The following KCNT2 variants were observed in gnomAD, a reference collection of about 807,000 sequenced individuals.
The protein encoded by KCNT2 is potassium channel subfamily T member 2.
A neutral mutation model predicts 153.8 loss-of-function variants in KCNT2; 67 were observed. The observed-to-expected ratio is 0.44, with a 90% CI of 0.36 to 0.53. The LOEUF (loss-of-function observed/expected upper bound fraction) is 0.53, where lower values mean the gene tolerates loss of function less well. Ranked by LOEUF, KCNT2 falls within the 20% of genes least tolerant of loss-of-function variation. The probability of loss-of-function intolerance (pLI) is 0.00; values close to 1 mark genes in which losing one functional copy is unlikely to be tolerated. For missense variants in KCNT2, 975 were observed against 1,354.8 expected (o/e 0.72, Z 4.40); for synonymous variants, 500 against 458.8 (o/e 1.09, Z -1.15).
intron 22 of KCNT2, among the ~76,000 whole-genome samples, chr1:196,286,580 C>T (rs559008208): frequency 6.6e-6 from 1 of 151,792 alleles, no homozygotes; most frequent in East Asian, 1.9e-4. Context: ...TGATAAATTG[C>T]ATCTGGTATA....
Position 196,334,487 on chromosome 1 carries a change from C to CTTTTT in KCNT2, c.1784-432_1784-428dup, listed in dbSNP as rs533230418. 7.0e-4 allele frequency among the ~76,000 whole-genome samples: 61 copies of CTTTTT among 87,292 alleles called. 15 individuals carry two copies. In the South Asian group the frequency reaches 0.02, roughly 29 times the overall value. 57.3% of individuals were successfully genotyped at this position (87,292 alleles called of 152,430 possible). ...TTTTCTTTTATTTCTTTCTTTCTTT[C>CTTTTT]TTTTTTTTTTTTAAGACAGAGTCTC... On this transcript the variant is annotated intron_variant, in intron 16 of 27. Transcript: ENST00000294725.
intron 1 of KCNT2, 24 bp downstream of exon 1, chr1:196,608,191 A>G (rs1665533182): frequency 1.2e-6 from 2 of 1,605,268 alleles, no homozygotes; most frequent in Non-Finnish European, 1.7e-6. Flanking sequence ...TATTTACAGA[A>G]CAATCCTCCA....
chr1:196,464,374 T>A (rs964392705), intron 8 of KCNT2, among the ~76,000 whole-genome samples: 3 of 152,002 alleles, frequency 2.0e-5, no homozygotes, highest in Middle Eastern at 6.8e-3. Context: ...AAGTATGCAA[T>A]AAAACATATT....
At chr1:196,251,121 G>C (rs1655928108) in intron 26 of KCNT2, among the ~76,000 whole-genome samples, 3 of 151,988 alleles carry the variant, frequency 2.0e-5, no homozygotes, top group Admixed American at 6.6e-5. Flanking sequence ...CTCACTGCTA[G>C]GTATATACCC....
At chr1:196,260,229 A>G (rs972683524) in intron 25 of KCNT2, among the ~76,000 whole-genome samples, 1 of 151,884 alleles carries the variant, frequency 6.6e-6, no homozygotes, top group Non-Finnish European at 1.5e-5. Context: ...GCCAAACCAA[A>G]CATTAAAGAT....
At chr1:196,533,764 T>C (rs2148854627) in intron 1 of KCNT2, among the ~76,000 whole-genome samples, 1 of 152,224 alleles carries the variant, frequency 6.6e-6, no homozygotes, top group Non-Finnish European at 1.5e-5. Flanking sequence ...AGGTTTTGTT[T>C]TCATAGAGCT....
chr1:196,325,675 C>T (rs1663776382), intron 19 of KCNT2, among the ~76,000 whole-genome samples: 1 of 152,012 alleles, frequency 6.6e-6, no homozygotes, highest in African/African-American at 2.4e-5. Flanking sequence ...CTAAATATGC[C>T]TCAGCTTTCC....
At chr1:196,540,732 CCT>C (rs900767633) in intron 1 of KCNT2, among the ~76,000 whole-genome samples, 1 of 152,152 alleles carries the variant, frequency 6.6e-6, no homozygotes, top group Non-Finnish European at 1.5e-5. Flanking sequence ...TGTCTAATCC[CCT>C]CTCTTTCTCA....
chr1:196,502,787 GC>G (rs1680806370), intron 1 of KCNT2, among the ~76,000 whole-genome samples: 1 of 152,028 alleles, frequency 6.6e-6, no homozygotes, highest in Non-Finnish European at 1.5e-5. Flanking sequence ...CATTTGCTGG[GC>G]CAACTCTCTG....
chr1:196,241,260 A>G (rs1654933786), intron 26 of KCNT2, among the ~76,000 whole-genome samples: 1 of 152,072 alleles, frequency 6.6e-6, no homozygotes, highest in African/African-American at 2.4e-5. Context: ...ACTCAGTCAT[A>G]CTGTACTTAC....
At position 196,494,053 on chromosome 1, in the gene KCNT2, C is replaced by T. The variant is rs150183152; in HGVS notation, c.96-1712G>A. Among the ~76,000 whole-genome samples, 315 of 152,270 alleles carry T rather than the reference C, an allele frequency of 2.1e-3. 3 individuals carry two copies. The highest frequency in any genetic ancestry group is 7.3e-3 in the African/African-American group (305 of 41,546). On this transcript the variant is annotated intron_variant, in intron 1 of 27. Transcript: ENST00000294725. ...CTGTATGCCCATGCACATGTGCACA[C>T]CCTACACATCTACGTACATATACAT... is the stretch of plus-strand genomic sequence containing the variant.
chr1:196,509,883 A>C (rs1681472006), intron 1 of KCNT2, among the ~76,000 whole-genome samples: 1 of 152,202 alleles, frequency 6.6e-6, no homozygotes. Flanking sequence ...TTTATTAAAA[A>C]TGGGCAGGAG....
At chr1:196,570,247 C>T (rs1352361815) in intron 1 of KCNT2, among the ~76,000 whole-genome samples, 1 of 151,940 alleles carries the variant, frequency 6.6e-6, no homozygotes, top group Non-Finnish European at 1.5e-5. Context: ...GAAATAATCC[C>T]AATTTGAGGA....
intron 1 of KCNT2, among the ~76,000 whole-genome samples, chr1:196,524,399 A>G (rs1653902237): frequency 6.6e-6 from 1 of 152,212 alleles, no homozygotes. Context: ...GAGAGGAATC[A>G]GGAATTGTTA....
At chr1:196,447,274 C>A (rs1675768075) in intron 8 of KCNT2, among the ~76,000 whole-genome samples, 1 of 151,544 alleles carries the variant, frequency 6.6e-6, no homozygotes, top group South Asian at 2.1e-4. Flanking sequence ...GATGGTGTAG[C>A]AATATTTTTA....
intron 14 of KCNT2, among the ~76,000 whole-genome samples, chr1:196,359,137 T>C (rs1375631925): frequency 6.6e-6 from 1 of 152,010 alleles, no homozygotes; most frequent in Non-Finnish European, 1.5e-5. Context: ...CTGTGATTAA[T>C]GAAAGAGGTG....
At position 196,524,407 on chromosome 1, in the gene KCNT2, T is replaced by C. The variant is rs570090786; in HGVS notation, c.96-32066A>G. ...TTTTCCAGAGAGGAATCAGGAATTG[T>C]TACCAAAAATGAGACAATGGATGTC... On this transcript the variant is annotated intron_variant, in intron 1 of 27. Transcript: ENST00000294725. Among the ~76,000 whole-genome samples, 22 of 152,278 alleles carry C rather than the reference T, an allele frequency of 1.4e-4. No homozygotes were observed. In the South Asian group the frequency reaches 4.3e-3, roughly 30 times the overall value.
chr1:196,562,354 A>T (rs1462368551), intron 1 of KCNT2, among the ~76,000 whole-genome samples: 1 of 151,962 alleles, frequency 6.6e-6, no homozygotes, highest in African/African-American at 2.4e-5. Context: ...TTGTGCCTGC[A>T]TTCAAAAGGA....
At chr1:196,553,237 A>G (rs1658188777) in intron 1 of KCNT2, among the ~76,000 whole-genome samples, 1 of 151,262 alleles carries the variant, frequency 6.6e-6, no homozygotes, top group East Asian at 1.9e-4. Flanking sequence ...AAATCAAAAA[A>G]AGCAAAAGTA....
Sources: allele counts gnomAD v4.1 joint callset (sites outside exome capture counted in the v4.1 genomes callset), GRCh38; gene constraint gnomAD v4.1.1; transcripts MANE v1.5; gene names NCBI Gene and HGNC (gene_info 2026-07-23, HGNC 2026-07-21).